CYRIB: variants seen among roughly 807,000 people sequenced by gnomAD.
The protein encoded by CYRIB is CYFIP related Rac1 interactor B, also known as CYFIP-related Rac1 interactor B.
In CYRIB, 8 loss-of-function variants were observed where a neutral mutation model predicts 44.2. That is an observed-to-expected ratio of 0.18 (90% CI 0.11 to 0.33). The LOEUF (loss-of-function observed/expected upper bound fraction) is 0.33. Among genes scored for constraint, CYRIB ranks in the 10% least tolerant of loss-of-function variants. The pLI is 1.00. For missense variants in CYRIB, 185 were observed against 382.8 expected, an observed-to-expected ratio of 0.48 and a Z score of 4.31; for synonymous variants, 131 against 127.2, an observed-to-expected ratio of 1.03 and a Z score of -0.20.
At chr8:129,911,600 G>A (rs1258698144) in intron 1 of CYRIB, among the ~76,000 whole-genome samples, 4 of 151,842 alleles carry the variant, frequency 2.6e-5, no homozygotes, top group African/African-American at 9.7e-5. Flanking sequence ...AGGGGTTCAA[G>A]ACCAGCCTGA....
intron 3 of CYRIB, among the ~76,000 whole-genome samples, chr8:129,876,086 T>C (rs919261409): frequency 4.6e-5 from 7 of 151,256 alleles, no homozygotes; most frequent in African/African-American, 9.7e-5. Flanking sequence ...GCACTCCAGC[T>C]TGGGTGACGG....
intron 1 of CYRIB, among the ~76,000 whole-genome samples, chr8:130,015,451 C>T (rs1055222288): frequency 2.0e-5 from 3 of 152,214 alleles, no homozygotes; most frequent in Non-Finnish European, 4.4e-5. Context: ...GGGTAAGCGA[C>T]TTGCCCAAGG....
intron 1 of CYRIB, among the ~76,000 whole-genome samples, chr8:129,939,283 G>A (rs1243641859): frequency 6.6e-6 from 1 of 151,368 alleles, no homozygotes; most frequent in South Asian, 2.1e-4. Flanking sequence ...ACGAGCCAAC[G>A]AGCCAGGAGT....
intron 4 of CYRIB, among the ~76,000 whole-genome samples, chr8:129,862,904 A>T (rs1315335579): frequency 6.6e-6 from 1 of 152,220 alleles, no homozygotes; most frequent in Admixed American, 6.5e-5. Context: ...TAACTAACAT[A>T]ATACATTCTT....
At chr8:129,924,306 T>TGG (rs1564003578) in intron 1 of CYRIB, among the ~76,000 whole-genome samples, 1 of 5,164 alleles carries the variant, frequency 1.9e-4, no homozygotes, top group Non-Finnish European at 3.0e-4. Context: ...GGGGGGGGGG[T>TGG]GGCGGGGGGG....
At chr8:129,889,269 A>C (rs2064094689) in intron 2 of CYRIB, among the ~76,000 whole-genome samples, 1 of 152,186 alleles carries the variant, frequency 6.6e-6, no homozygotes, top group Non-Finnish European at 1.5e-5. Flanking sequence ...ATTCGTTTCA[A>C]TAAATTACTG....
chr8:129,955,930 G>T (rs1446743448), intron 2 of CYRIB, among the ~76,000 whole-genome samples: 1 of 152,202 alleles, frequency 6.6e-6, no homozygotes, highest in Non-Finnish European at 1.5e-5. Context: ...ATCGGGATGG[G>T]ATAGGTTATG....
intron 2 of CYRIB, among the ~76,000 whole-genome samples, chr8:129,890,180 T>C (rs760808260): frequency 3.3e-5 from 5 of 152,250 alleles, no homozygotes; most frequent in Non-Finnish European, 7.3e-5. Context: ...GGTCTGAAAG[T>C]ACTGCTTCCA....
At chr8:129,915,065 C>T (rs7824493) in intron 1 of CYRIB, among the ~76,000 whole-genome samples, 2,127 of 152,296 alleles carry the variant, frequency 0.014, 47 homozygotes, top group African/African-American at 0.048. Context: ...CAAATGAATT[C>T]CTATACACTT....
intron 4 of CYRIB, chr8:129,868,444 CTT>C (rs2055072102): frequency 6.6e-6 from 1 of 152,100 alleles, no homozygotes; most frequent in Admixed American, 6.5e-5. Context: ...CTTACCATTG[CTT>C]TTTACTTTTC....
intron 2 of CYRIB, among the ~76,000 whole-genome samples, chr8:129,893,918 C>G (rs1375496764): frequency 1.3e-5 from 2 of 150,804 alleles, no homozygotes; most frequent in Non-Finnish European, 2.9e-5. Flanking sequence ...ATAAACAATA[C>G]AGTATTGTTC....
intron 4 of CYRIB, chr8:129,868,485 T>C (rs930279472): frequency 6.6e-6 from 1 of 152,218 alleles, no homozygotes; most frequent in African/African-American, 2.4e-5. Flanking sequence ...TTCAATGTTA[T>C]TTTTCTATGT....
chr8:130,005,813 TAAA>T (rs58689229), intron 1 of CYRIB, among the ~76,000 whole-genome samples: 3 of 136,206 alleles, frequency 2.2e-5, no homozygotes, highest in Admixed American at 7.4e-5. Flanking sequence ...CCTCATCTCT[TAAA>T]AAAAAAAAAA....
At chr8:129,865,576 T>C (rs928020980) in intron 4 of CYRIB, among the ~76,000 whole-genome samples, 2 of 152,206 alleles carry the variant, frequency 1.3e-5, no homozygotes, top group African/African-American at 4.8e-5. Flanking sequence ...ATGCCATCAT[T>C]TCTCAGAATA....
chr8:129,900,554 C>A (rs563953064), intron 2 of CYRIB, among the ~76,000 whole-genome samples: 99 of 152,282 alleles, frequency 6.5e-4, no homozygotes, highest in Non-Finnish European at 9.6e-4. Context: ...TGACTTTCTG[C>A]AAGTCTCTAC....
intron 1 of CYRIB, among the ~76,000 whole-genome samples, chr8:129,990,353 G>A (rs1343471363): frequency 6.6e-6 from 1 of 152,100 alleles, no homozygotes; most frequent in Non-Finnish European, 1.5e-5. Flanking sequence ...TCTAGATAAA[G>A]TATGTTTCAT....
chr8:129,994,913 C>G (rs976464771), intron 1 of CYRIB, among the ~76,000 whole-genome samples: 5 of 152,256 alleles, frequency 3.3e-5, no homozygotes, highest in Non-Finnish European at 7.3e-5. Context: ...CAACCTCTTC[C>G]TGCCCCTGCA....
chr8:129,972,802 C>T (rs2095760349), intron 1 of CYRIB, among the ~76,000 whole-genome samples: 1 of 151,978 alleles, frequency 6.6e-6, no homozygotes, highest in African/African-American at 2.4e-5. Context: ...CCCAGCACAC[C>T]CAGGGCATAG....
intron 1 of CYRIB, among the ~76,000 whole-genome samples, chr8:129,905,359 A>G (rs2074721318): frequency 6.6e-6 from 1 of 152,168 alleles, no homozygotes. Context: ...CTAGGACTAC[A>G]GGCGCCTGCC....
Sources: gnomAD v4.1 joint callset for allele counts (sites outside exome capture counted in the v4.1 genomes callset) on GRCh38, gnomAD v4.1.1 for gene constraint, MANE v1.5 for transcripts, NCBI Gene and HGNC (gene_info 2026-07-23, HGNC 2026-07-21) for gene names.